Variants in SGMS1 observed in about 807,000 individuals in gnomAD.
SGMS1 encodes sphingomyelin synthase 1, also known as phosphatidylcholine:ceramide cholinephosphotransferase 1.
SGMS1 carries 13 observed loss-of-function variants against 46.2 expected under a neutral mutation model. The observed-to-expected ratio is 0.28, with a 90% CI of 0.18 to 0.45. SGMS1 has a LOEUF of 0.45. Ranked by LOEUF, SGMS1 falls within the 20% of genes least tolerant of loss-of-function variation. The pLI is 1.00. For missense variants in SGMS1, 324 were observed against 519.9 expected (o/e 0.62, Z 3.66); for synonymous variants, 203 against 187.8 (o/e 1.08, Z -0.66).
intron 8 of SGMS1, among the ~76,000 whole-genome samples, chr10:50,322,394 G>C (rs1589384435): frequency 6.6e-6 from 1 of 152,286 alleles, no homozygotes; most frequent in South Asian, 2.1e-4. Context: ...TTAGCATTAG[G>C]CTGCCTGTTT....
rs61858143 is a variant in SGMS1, at chr10:50,611,339, C to A, written c.-684+12368G>T. On this transcript the variant is annotated intron_variant, in intron 1 of 10. Transcript: ENST00000361781. Reference sequence around the variant, plus strand: ...ACACACGCCAAGGGTCTTCACACCACGACACTTGTGACAGAGTGGTTATTA... The same window carrying A: ...ACACACGCCAAGGGTCTTCACACCAAGACACTTGTGACAGAGTGGTTATTA... Among the ~76,000 whole-genome samples the A allele has an allele frequency of 4.7e-3, 720 of 152,320 alleles. 6 individuals carry two copies. Among genetic ancestry groups the A allele is most frequent in the Middle Eastern group, 0.017 (5 of 294 alleles).
At chr10:50,421,534 C>T (rs1314414840) in intron 6 of SGMS1, among the ~76,000 whole-genome samples, 1 of 152,136 alleles carries the variant, frequency 6.6e-6, no homozygotes, top group Non-Finnish European at 1.5e-5. Flanking sequence ...TTAAACAGAC[C>T]GTTCAGACAT....
intron 5 of SGMS1, among the ~76,000 whole-genome samples, chr10:50,447,711 GAACT>G (rs745724653): frequency 1.4e-4 from 22 of 152,156 alleles, no homozygotes; most frequent in African/African-American, 2.6e-4. Context: ...TAGCTAAATG[GAACT>G]AACTAACATA....
At chr10:50,624,042 G>A (rs1008611651), upstream of SGMS1, 2 of 985,384 alleles carry the variant, frequency 2.0e-6, no homozygotes, top group Admixed American at 6.1e-5. Context: ...CTGCGGCCGG[G>A]GGGGCGGGCC....
At chr10:50,462,846 G>C (rs956484107) in intron 4 of SGMS1, among the ~76,000 whole-genome samples, 3 of 152,094 alleles carry the variant, frequency 2.0e-5, no homozygotes, top group African/African-American at 7.2e-5. Context: ...GAGCAGAGCT[G>C]GTGGGAACCT....
At chr10:50,326,427 G>A (rs1346274630) in intron 8 of SGMS1, among the ~76,000 whole-genome samples, 3 of 152,138 alleles carry the variant, frequency 2.0e-5, no homozygotes, top group Non-Finnish European at 2.9e-5. Context: ...CACCCACACA[G>A]GTATAATGCA....
chr10:50,520,199 G>A (rs1837845394), intron 2 of SGMS1, among the ~76,000 whole-genome samples: 1 of 152,154 alleles, frequency 6.6e-6, no homozygotes, highest in Admixed American at 6.5e-5. Context: ...AGACCAGCCT[G>A]GGCAATATAG....
chr10:50,373,787 G>A, intron 6 of SGMS1, among the ~76,000 whole-genome samples: 1 of 152,132 alleles, frequency 6.6e-6, no homozygotes, highest in Admixed American at 6.5e-5. Context: ...CCCAACAATG[G>A]CTTCTAAAAT....
At chr10:50,353,391 C>T (rs900818320) in intron 6 of SGMS1, among the ~76,000 whole-genome samples, 19 of 152,402 alleles carry the variant, frequency 1.2e-4, no homozygotes, top group African/African-American at 2.2e-4. Context: ...TTCAACAACC[C>T]TTCATGCTAA....
rs535902168 is a variant in SGMS1 at position 50,622,329 on chromosome 10, G to C, written c.-684+1378C>G. Among the ~76,000 whole-genome samples, 8 of 152,222 alleles carry C rather than the reference G, an allele frequency of 5.3e-5. No individual in the cohort carries two copies. The East Asian group carries it at 1.4e-3, about 26-fold the overall frequency. ...ACCCCTTTCCATCTGGGCAGCTCTA[G>C]GCAACACCCATCGCGTTCCTACGTC... On this transcript the variant is annotated intron_variant, in intron 1 of 10. Coordinates refer to ENST00000361781, the MANE Select transcript of SGMS1 (RefSeq NM_147156.4).
intron 3 of SGMS1, among the ~76,000 whole-genome samples, chr10:50,492,026 T>C (rs971376891): frequency 2.6e-5 from 4 of 152,174 alleles, no homozygotes; most frequent in Non-Finnish European, 1.5e-5. Flanking sequence ...CGCAAATCAG[T>C]AAATGTGATT....
intron 6 of SGMS1, among the ~76,000 whole-genome samples, chr10:50,365,584 G>A (rs780072590): frequency 6.6e-6 from 1 of 151,790 alleles, no homozygotes; most frequent in Non-Finnish European, 1.5e-5. Flanking sequence ...CTCTCCTCTT[G>A]CCCCCATACC....
At chr10:50,370,687 G>C (rs1411324521) in intron 6 of SGMS1, among the ~76,000 whole-genome samples, 2 of 150,894 alleles carry the variant, frequency 1.3e-5, no homozygotes, top group African/African-American at 4.9e-5. Context: ...TTTGCAGTGA[G>C]CCGAGATCGT....
chr10:50,361,564 C>T (rs1017510080), intron 6 of SGMS1, among the ~76,000 whole-genome samples: 13 of 152,190 alleles, frequency 8.5e-5, no homozygotes, highest in Admixed American at 7.2e-4. Context: ...AACATGCAAG[C>T]TGAATCTGGC....
intron 6 of SGMS1, among the ~76,000 whole-genome samples, chr10:50,386,648 C>A (rs566850011): frequency 6.6e-5 from 10 of 152,212 alleles, no homozygotes; most frequent in African/African-American, 2.4e-4. Flanking sequence ...GCCCAGGTGA[C>A]GTCTAAGTTG....
At chr10:50,501,298 G>A (rs985680943) in intron 3 of SGMS1, among the ~76,000 whole-genome samples, 1 of 152,140 alleles carries the variant, frequency 6.6e-6, no homozygotes, top group Non-Finnish European at 1.5e-5. Context: ...AGAAGGACAA[G>A]TCCACAAACT....
intron 8 of SGMS1, among the ~76,000 whole-genome samples, chr10:50,321,882 C>G (rs947504117): frequency 5.3e-5 from 8 of 152,212 alleles, no homozygotes; most frequent in African/African-American, 1.7e-4. Flanking sequence ...CTTGTGCCAG[C>G]ATAGGGACCC....
intron 7 of SGMS1, chr10:50,341,357 G>C: frequency 2.2e-6 from 1 of 456,004 alleles, no homozygotes; most frequent in Non-Finnish European, 4.4e-6. Flanking sequence ...CAGGAAACCA[G>C]CGATGGACCC....
At chr10:50,341,352 A>T (rs1173688695) in intron 7 of SGMS1, 1 of 455,878 alleles carries the variant, frequency 2.2e-6, no homozygotes, top group African/African-American at 2.0e-5. Flanking sequence ...AGAGACAGGA[A>T]ACCAGCGATG....
Sources: gnomAD v4.1 joint callset for allele counts (sites outside exome capture counted in the v4.1 genomes callset) on GRCh38, gnomAD v4.1.1 for gene constraint, MANE v1.5 for transcripts, NCBI Gene and HGNC (gene_info 2026-07-23, HGNC 2026-07-21) for gene names.